The following PCDH15 variants were observed in gnomAD, a reference collection of about 807,000 sequenced individuals.
PCDH15 encodes protocadherin-15.
In PCDH15, 129 loss-of-function variants were observed where a neutral mutation model predicts 178.5. That is an observed-to-expected ratio of 0.72 (90% CI 0.63 to 0.84). PCDH15 has a LOEUF of 0.84. Ranked by LOEUF, PCDH15 falls within the 40% of genes least tolerant of loss-of-function variation. The pLI is 0.00. For synonymous variants in PCDH15, 800 were observed against 732.0 expected (o/e 1.09, Z -1.50); for missense variants, 2,230 against 2,099.9 (o/e 1.06, Z -1.21).
chr10:55,284,654 G>T (rs1363787780), intron 1 of PCDH15, among the ~76,000 whole-genome samples: 1 of 151,832 alleles, frequency 6.6e-6, no homozygotes, highest in African/African-American at 2.4e-5. Flanking sequence ...AAATTTTAGG[G>T]CATATTTTCT....
chr10:55,609,776 A>T (rs1234832510), intron 2 of PCDH15, among the ~76,000 whole-genome samples: 1 of 152,136 alleles, frequency 6.6e-6, no homozygotes, highest in Non-Finnish European at 1.5e-5. Flanking sequence ...TTCATCTGGT[A>T]CATAAGCTTG....
chr10:54,931,466 G>T (rs1666793758), intron 2 of PCDH15, among the ~76,000 whole-genome samples: 1 of 152,134 alleles, frequency 6.6e-6, no homozygotes, highest in African/African-American at 2.4e-5. Context: ...TTCTGCTTGT[G>T]CTGAGGTATA....
chr10:54,240,809 T>C (rs1376530038), intron 8 of PCDH15, among the ~76,000 whole-genome samples: 1 of 151,798 alleles, frequency 6.6e-6, no homozygotes, highest in Non-Finnish European at 1.5e-5. Flanking sequence ...TATTTTGTAT[T>C]TTTAGGAGAG....
chr10:54,329,501 T>C, intron 7 of PCDH15, 95 bp downstream of exon 7: 1 of 881,562 alleles, frequency 1.1e-6, no homozygotes, highest in South Asian at 1.4e-5. Flanking sequence ...AAGAAGTGAG[T>C]GGCACAGAGC....
chr10:54,676,592 C>T (rs12219708), intron 1 of PCDH15, among the ~76,000 whole-genome samples: 2 of 152,218 alleles, frequency 1.3e-5, no homozygotes, highest in East Asian at 3.9e-4. Context: ...TTTTCTTCCA[C>T]TTTATTAACA....
intron 2 of PCDH15, among the ~76,000 whole-genome samples, chr10:55,344,735 G>A (rs1405117114): frequency 6.6e-6 from 1 of 151,972 alleles, no homozygotes; most frequent in African/African-American, 2.4e-5. Flanking sequence ...TAGACTTCAA[G>A]GAATAGGTCC....
chr10:53,863,043 A>G (rs1375502621), intron 27 of PCDH15, among the ~76,000 whole-genome samples: 1 of 152,226 alleles, frequency 6.6e-6, no homozygotes, highest in Non-Finnish European at 1.5e-5. Context: ...GTGATGAAGA[A>G]GAGAAATCCA....
At chr10:55,034,987 A>G (rs1037159974) in intron 2 of PCDH15, among the ~76,000 whole-genome samples, 1 of 152,156 alleles carries the variant, frequency 6.6e-6, no homozygotes, top group Non-Finnish European at 1.5e-5. Flanking sequence ...TGGAGGCATG[A>G]TCTGGGAGGA....
At chr10:55,020,311 T>C (rs1220235705) in intron 2 of PCDH15, among the ~76,000 whole-genome samples, 4 of 151,566 alleles carry the variant, frequency 2.6e-5, no homozygotes, top group African/African-American at 9.7e-5. Flanking sequence ...TTTGGGCATG[T>C]AATAGTAATT....
chr10:54,483,108 T>G (rs979101475), intron 3 of PCDH15, among the ~76,000 whole-genome samples: 1 of 151,820 alleles, frequency 6.6e-6, no homozygotes, highest in Non-Finnish European at 1.5e-5. Flanking sequence ...ATCCTTCTTC[T>G]AAAATTCTAT....
intron 10 of PCDH15, among the ~76,000 whole-genome samples, chr10:54,202,537 G>A (rs925631567): frequency 3.3e-5 from 5 of 152,062 alleles, no homozygotes; most frequent in African/African-American, 1.2e-4. Flanking sequence ...CCTGGGCCAG[G>A]CGCAGTGTCT....
At chr10:55,106,543 G>A (rs976938372) in intron 2 of PCDH15, among the ~76,000 whole-genome samples, 14 of 152,126 alleles carry the variant, frequency 9.2e-5, no homozygotes, top group African/African-American at 3.4e-4. Flanking sequence ...AGCCTCCTGA[G>A]TAGCTGGGAT....
intron 2 of PCDH15, among the ~76,000 whole-genome samples, chr10:55,436,165 T>C (rs1211164454): frequency 1.3e-5 from 2 of 152,094 alleles, no homozygotes; most frequent in Non-Finnish European, 2.9e-5. Flanking sequence ...AGTTTGATAT[T>C]ACTGTTGTAA....
intron 1 of PCDH15, among the ~76,000 whole-genome samples, chr10:55,203,353 G>C (rs1840307275): frequency 6.6e-6 from 1 of 151,910 alleles, no homozygotes; most frequent in African/African-American, 2.4e-5. Flanking sequence ...TGATATCTCA[G>C]AAGTGTATTA....
chr10:55,218,883 C>A (rs1021019415), intron 1 of PCDH15, among the ~76,000 whole-genome samples: 13 of 152,014 alleles, frequency 8.6e-5, no homozygotes, highest in Admixed American at 7.9e-4. Flanking sequence ...AATTCTTCCA[C>A]TTTTTGTGTA....
chr10:54,984,040 G>A (rs532132252), intron 2 of PCDH15, among the ~76,000 whole-genome samples: 7 of 152,242 alleles, frequency 4.6e-5, no homozygotes, highest in Admixed American at 4.6e-4. Context: ...TTATAAGAAG[G>A]GAATTAAAAG....
Position 54,052,379 on chromosome 10 carries a change from C to G in PCDH15, c.2220+14378G>C, listed in dbSNP as rs115650315. The stretch of plus-strand genomic sequence containing the variant: ...TTCCCACGGCTATGGGAGTGTCACT[C>G]TTGCATCAGCATGACTTGTATGTGA... On this transcript the variant is annotated intron_variant, in intron 18 of 37. Coordinates refer to ENST00000644397, the MANE Select transcript of PCDH15 (RefSeq NM_001384140.1). Among the ~76,000 whole-genome samples the G allele has an allele frequency of 6.5e-3, 984 of 152,322 alleles. 7 individuals are homozygous for G. The highest frequency in any genetic ancestry group is 0.023 in the African/African-American group (938 of 41,572).
At chr10:55,088,634 G>T (rs981410746) in intron 2 of PCDH15, among the ~76,000 whole-genome samples, 5 of 140,258 alleles carry the variant, frequency 3.6e-5, no homozygotes, top group Non-Finnish European at 7.5e-5. Flanking sequence ...GGAACAGATT[G>T]CCACAAAAGA....
chr10:54,789,127 A>C (rs1180480698), intron 1 of PCDH15, among the ~76,000 whole-genome samples: 2 of 151,942 alleles, frequency 1.3e-5, no homozygotes, highest in Non-Finnish European at 2.9e-5. Context: ...ATTCATATTT[A>C]AAATTCATTT....
Sources: gnomAD v4.1 joint callset for allele counts (sites outside exome capture counted in the v4.1 genomes callset) on GRCh38, gnomAD v4.1.1 for gene constraint, MANE v1.5 for transcripts, NCBI Gene and HGNC (gene_info 2026-07-23, HGNC 2026-07-21) for gene names.